Variants in ERICH1 observed in about 807,000 individuals in gnomAD.
ERICH1 encodes glutamate-rich protein 1.
In ERICH1, 56 loss-of-function variants were observed where a neutral mutation model predicts 39.6. That is an observed-to-expected ratio of 1.41 (90% CI 1.14 to 1.77). The LOEUF (loss-of-function observed/expected upper bound fraction) is 1.77. Among genes scored for constraint, ERICH1 ranks in the 40% most tolerant of loss-of-function variants. The pLI is 0.00. For missense variants in ERICH1, 826 were observed against 575.4 expected, an observed-to-expected ratio of 1.44 and a Z score of -4.45; for synonymous variants, 313 against 223.6, an observed-to-expected ratio of 1.40 and a Z score of -3.57.
chr8:689,118 TTTTC>T (rs1480218580), intron 3 of ERICH1, among the ~76,000 whole-genome samples: 4 of 111,268 alleles, frequency 3.6e-5, no homozygotes, highest in Non-Finnish European at 7.9e-5. Context: ...ATGATCTTTT[TTTTC>T]TTTTTTTGAG....
At chr8:643,465 T>A (rs1799250908) in intron 3 of ERICH1, among the ~76,000 whole-genome samples, 1 of 152,000 alleles carries the variant, frequency 6.6e-6, no homozygotes, top group Admixed American at 6.5e-5. Context: ...AGACTGGGGA[T>A]AGGACTGTCA....
At chr8:699,706 G>A (rs1226100808) in intron 2 of ERICH1, among the ~76,000 whole-genome samples, 1 of 146,924 alleles carries the variant, frequency 6.8e-6, no homozygotes, top group Non-Finnish European at 1.5e-5. Flanking sequence ...CAGGCGCACA[G>A]ACCCGCACAC....
Position 664,571 on chromosome 8 carries a change from A to G in ERICH1, c.*32T>C, listed in dbSNP as rs1459100405. On this transcript the variant is annotated 3_prime_UTR_variant, in exon 6 of 6. Coordinates refer to ENST00000262109, the MANE Select transcript of ERICH1 (RefSeq NM_207332.3). ...ATTTGTCTTTTAAGTTTTTTTGTTAAAGAGGAGCTGTTCTTAAAGAGATAT... is the reference window on the plus strand; with the variant it reads ...ATTTGTCTTTTAAGTTTTTTTGTTAGAGAGGAGCTGTTCTTAAAGAGATAT... 3 of 1,581,278 alleles carry G rather than the reference A, an allele frequency of 1.9e-6. No homozygotes were observed. The Admixed American group carries it at 5.5e-5, about 29-fold the overall frequency.
intron 4 of ERICH1, among the ~76,000 whole-genome samples, chr8:671,491 C>T (rs566939778): frequency 4.9e-5 from 7 of 143,240 alleles, no homozygotes; most frequent in Non-Finnish European, 9.1e-5. Context: ...GTGCCAGCCC[C>T]GGTTCTAATG....
intron 3 of ERICH1, among the ~76,000 whole-genome samples, chr8:641,638 C>G (rs1479241565): frequency 6.6e-6 from 1 of 152,222 alleles, no homozygotes; most frequent in African/African-American, 2.4e-5. Flanking sequence ...GGTAGTGTGT[C>G]TGAGCGTGAT....
chr8:716,352 G>A (rs1208550317), intron 1 of ERICH1, among the ~76,000 whole-genome samples: 1 of 152,266 alleles, frequency 6.6e-6, no homozygotes, highest in Non-Finnish European at 1.5e-5. Flanking sequence ...GCACATGCAG[G>A]CCATGACCCC....
At chr8:702,341 G>A (rs1217472703) in intron 2 of ERICH1, among the ~76,000 whole-genome samples, 1 of 152,110 alleles carries the variant, frequency 6.6e-6, no homozygotes, top group Admixed American at 6.5e-5. Flanking sequence ...AAGAACGCCG[G>A]CGAGTCAAGT....
At chr8:626,121 T>G (rs1206440058) in intron 3 of ERICH1, 2 of 152,250 alleles carry the variant, frequency 1.3e-5, no homozygotes, top group African/African-American at 4.8e-5. Context: ...GAATTTTCTT[T>G]GCCATTTTCT....
At chr8:688,089 T>C (rs1477037094) in intron 3 of ERICH1, among the ~76,000 whole-genome samples, 2 of 152,078 alleles carry the variant, frequency 1.3e-5, no homozygotes, top group Admixed American at 1.3e-4. Context: ...CCCAATGCAG[T>C]TCCCGGCTGC....
intron 3 of ERICH1, among the ~76,000 whole-genome samples, chr8:651,062 T>C (rs1799885865): frequency 6.6e-6 from 1 of 152,208 alleles, no homozygotes; most frequent in South Asian, 2.1e-4. Context: ...GGAAGATGCG[T>C]TGTTGGGGAG....
At chr8:616,317 G>A (rs1035584205) in intron 3 of ERICH1, 2 of 339,852 alleles carry the variant, frequency 5.9e-6, no homozygotes, top group Non-Finnish European at 1.2e-5. Flanking sequence ...TGGGGCAAGA[G>A]GGACGCGTTA....
chr8:657,053 T>C (rs931118791), intron 3 of ERICH1, among the ~76,000 whole-genome samples: 4 of 152,204 alleles, frequency 2.6e-5, no homozygotes, highest in African/African-American at 9.7e-5. Context: ...CAAATAAATA[T>C]GGATTTTTTT....
At chr8:692,073 A>T (rs1809024349) in intron 3 of ERICH1, among the ~76,000 whole-genome samples, 1 of 152,246 alleles carries the variant, frequency 6.6e-6, no homozygotes, top group African/African-American at 2.4e-5. Flanking sequence ...TTCCTTGATT[A>T]CAGATTTGAT....
At chr8:684,811 G>C (rs916266279) in intron 3 of ERICH1, among the ~76,000 whole-genome samples, 2 of 152,174 alleles carry the variant, frequency 1.3e-5, no homozygotes, top group Admixed American at 6.5e-5. Flanking sequence ...CCCAAAACCA[G>C]CAAGTTTTTA....
intron 1 of ERICH1, among the ~76,000 whole-genome samples, chr8:730,452 T>C (rs193095974): frequency 5.9e-5 from 9 of 152,314 alleles, no homozygotes; most frequent in Non-Finnish European, 1.2e-4. Flanking sequence ...ACGAGATTCA[T>C]GTCAAAAACC....
intron 2 of ERICH1, among the ~76,000 whole-genome samples, chr8:713,927 T>C (rs1815340574): frequency 2.0e-5 from 3 of 152,162 alleles, no homozygotes; most frequent in African/African-American, 7.2e-5. Flanking sequence ...GGGAACCGAA[T>C]GGACCCGCCC....
At position 673,358 on chromosome 8, in the gene ERICH1, T is replaced by C. The variant is rs1032618446; in HGVS notation, c.994A>G (p.Ile332Val). The C allele has an allele frequency of 1.9e-6, 3 of 1,613,462 alleles. No homozygotes were observed. The African/African-American group carries it at 4.0e-5, about 22-fold the overall frequency. The change falls in exon 4 of 6, where the codon ATT (isoleucine) becomes GTT (valine). Residue 332 changes from isoleucine to valine, a missense_variant. Physicochemically the swap from Ile to Val is conservative, Grantham distance 29. Transcript: ENST00000262109. ...GADASEEDDT[I>V]TNEKAHSILN... is the part of the protein sequence containing the mutation. ...ATACTGTGTGCCTTTTCATTGGTAA[T>C]TGTATCATCTTCCTCGCTGGCGTCT...
At chr8:635,912 C>T (rs1387544919) in intron 3 of ERICH1, among the ~76,000 whole-genome samples, 1 of 152,220 alleles carries the variant, frequency 6.6e-6, no homozygotes, top group South Asian at 2.1e-4. Flanking sequence ...AACTTGCAAG[C>T]GGCTCTTACG....
At chr8:620,173 G>A (rs566373504) in intron 3 of ERICH1, among the ~76,000 whole-genome samples, 19 of 152,156 alleles carry the variant, frequency 1.2e-4, no homozygotes, top group East Asian at 1.2e-3. Context: ...TTAGCCAGGC[G>A]TGGTGGCGCA....
Sources: allele counts gnomAD v4.1 joint callset (sites outside exome capture counted in the v4.1 genomes callset), GRCh38; gene constraint gnomAD v4.1.1; transcripts MANE v1.5; gene names NCBI Gene and HGNC (gene_info 2026-07-23, HGNC 2026-07-21).